The following NFATC2 variants were observed in gnomAD, a reference collection of about 807,000 sequenced individuals.
NFATC2 encodes the protein nuclear factor of activated T cells 2, also known as nuclear factor of activated T-cells, cytoplasmic 2.
A neutral mutation model predicts 87.3 loss-of-function variants in NFATC2; 22 were observed. The ratio of observed to expected loss-of-function variants is 0.25; its 90% confidence interval spans 0.18 to 0.36. The LOEUF is 0.36. Ranked by LOEUF, NFATC2 falls within the 10% of genes least tolerant of loss-of-function variation. NFATC2 has a pLI of 1.00. For synonymous variants in NFATC2, 565 were observed against 542.2 expected (o/e 1.04, Z -0.58); for missense variants, 1,149 against 1,259.1 (o/e 0.91, Z 1.32).
In NFATC2 at chr20:51,562,175, T is replaced by G. The variant is rs2146856417; in HGVS notation, c.70+385A>C. 6.6e-6 allele frequency among the ~76,000 whole-genome samples: 1 copy of G among 152,254 alleles called. No homozygotes were observed. The highest frequency in any genetic ancestry group is 6.5e-5 in the Admixed American group (1 of 15,300). On this transcript the variant is annotated intron_variant, in intron 1 of 10. Transcript: ENST00000414705. The surrounding 1 kb of genome is among the most constrained non-coding windows in gnomAD (Gnocchi z 5.8). ...TTAAAAGAAAAAAAAGTAATAATAA[T>G]AATACTGCAGCGTTATGGCATTTGC...
chr20:51,443,921 TAA>T (rs111389170), intron 6 of NFATC2, among the ~76,000 whole-genome samples: 2 of 142,820 alleles, frequency 1.4e-5, no homozygotes, highest in South Asian at 2.2e-4. Flanking sequence ...CTCTGCAAGT[TAA>T]AAAAAAAAAC....
intron 3 of NFATC2, among the ~76,000 whole-genome samples, chr20:51,483,220 A>T (rs989741042): frequency 6.6e-6 from 1 of 152,190 alleles, no homozygotes; most frequent in Non-Finnish European, 1.5e-5. Flanking sequence ...CTCTGCTATC[A>T]ACTCTGCTCA....
chr20:51,391,028 G>A lies in NFATC2; in HGVS notation c.*468C>T. On this transcript the variant is annotated 3_prime_UTR_variant, in exon 11 of 11. Transcript: ENST00000371564. ...ACGCAAGGGCTGGGGTTTAATCACAGTGCCCACATCTTCTGTCCCCCGTCC... is the reference window on the plus strand; with the variant it reads ...ACGCAAGGGCTGGGGTTTAATCACAATGCCCACATCTTCTGTCCCCCGTCC... 2.6e-6 allele frequency: 1 copy of A among 390,760 alleles called. No homozygotes were observed. The allele number at this position is 390,760 out of a possible 1,614,324, so 24.2% of individuals were successfully genotyped here. A position where few individuals can be genotyped will look rare whatever the true frequency, so the allele number is the denominator to read the frequency against.
At chr20:51,462,403 G>A (rs956120900) in intron 5 of NFATC2, among the ~76,000 whole-genome samples, 2 of 152,036 alleles carry the variant, frequency 1.3e-5, no homozygotes, top group African/African-American at 4.8e-5. Flanking sequence ...TCGAGATCGC[G>A]CCACTGCACT....
intron 6 of NFATC2, among the ~76,000 whole-genome samples, chr20:51,447,185 A>G (rs559413312): frequency 6.6e-6 from 1 of 152,376 alleles, no homozygotes; most frequent in South Asian, 2.1e-4. Flanking sequence ...GACTCATGTC[A>G]GGATATGATG....
chr20:51,548,775 A>G (rs1418671296), intron 1 of NFATC2, among the ~76,000 whole-genome samples: 3 of 152,214 alleles, frequency 2.0e-5, no homozygotes, highest in Non-Finnish European at 4.4e-5. Context: ...CAGAGCTTCT[A>G]CCTGAGATCA....
chr20:51,432,907 A>G lies in NFATC2; in HGVS notation c.2033-151T>C, dbSNP rs924151130. ...CCCTGTCACTTATCAGCCTTGGGCA[A>G]AAGGCTCCCCATGCAATTGTCTTAG... On this transcript the variant is annotated intron_variant, in intron 8 of 10. Transcript: ENST00000371564. The surrounding 1 kb of genome is among the most constrained non-coding windows in gnomAD (Gnocchi z 4.6). 6.6e-6 allele frequency: 4 copies of G among 605,890 alleles called. No individual in the cohort carries two copies. The highest frequency in any genetic ancestry group is 7.6e-5 in the Admixed American group (2 of 26,356). The allele number at this position is 605,890 out of a possible 1,614,324, so 37.5% of individuals were successfully genotyped here. A position where few individuals can be genotyped will look rare whatever the true frequency, so the allele number is the denominator to read the frequency against.
chr20:51,427,212 G>T (rs1462858516), intron 9 of NFATC2, among the ~76,000 whole-genome samples: 1 of 152,100 alleles, frequency 6.6e-6, no homozygotes, highest in Non-Finnish European at 1.5e-5. Context: ...GTGGTGAGAT[G>T]GCCCGATGAC....
At chr20:51,494,020 T>G (rs3787192) in intron 3 of NFATC2, among the ~76,000 whole-genome samples, 95,635 of 151,944 alleles carry the variant, frequency 0.63, 32,224 homozygotes, top group African/African-American at 0.88. Flanking sequence ...ATATAATGGG[T>G]ACAGTGCCTG....
intron 2 of NFATC2, among the ~76,000 whole-genome samples, chr20:51,520,463 C>T (rs887660291): frequency 2.0e-5 from 3 of 150,196 alleles, no homozygotes; most frequent in African/African-American, 7.4e-5. Context: ...AGTCCATTTC[C>T]GTGTGGTACG....
chr20:51,497,744 T>G (rs1240221031), intron 3 of NFATC2, among the ~76,000 whole-genome samples: 1 of 151,910 alleles, frequency 6.6e-6, no homozygotes, highest in Admixed American at 6.6e-5. Flanking sequence ...AGGAAGAAGA[T>G]GGGGTGAGAT....
At chr20:51,529,177 G>A (rs4811189) in intron 1 of NFATC2, among the ~76,000 whole-genome samples, 124,581 of 152,040 alleles carry the variant, frequency 0.82, 51,500 homozygotes, top group African/African-American at 0.92. Context: ...CGTATCAGAA[G>A]AACTGCACTG....
intron 8 of NFATC2, among the ~76,000 whole-genome samples, chr20:51,433,757 G>A (rs1198299637): frequency 1.0e-5 from 1 of 96,356 alleles, no homozygotes; most frequent in Non-Finnish European, 2.1e-5. Flanking sequence ...GTTCATGCAT[G>A]CATGTGTGTG....
chr20:51,555,256 A>G (rs1410878910), intron 1 of NFATC2, among the ~76,000 whole-genome samples: 1 of 152,096 alleles, frequency 6.6e-6, no homozygotes, highest in East Asian at 1.9e-4. Context: ...ACATTCCCCC[A>G]GGGGCTCCTG....
At position 51,421,732 on chromosome 20, in the gene NFATC2, C is replaced by T. The variant is rs150150906; in HGVS notation, c.2722+10335G>A. Among the ~76,000 whole-genome samples the T allele has an allele frequency of 3.2e-3, 485 of 152,238 alleles. 4 individuals carry two copies. The highest frequency in any genetic ancestry group is 0.01 in the African/African-American group (435 of 41,530). Reference sequence around the variant, plus strand: ...AATCCCTATTTTTATGTGCAATCCCCGGTTTTTCAACACTGGCATCTAATC... The same window carrying T: ...AATCCCTATTTTTATGTGCAATCCCTGGTTTTTCAACACTGGCATCTAATC... On this transcript the variant is annotated intron_variant, in intron 9 of 10. Coordinates refer to ENST00000371564, the MANE Select transcript of NFATC2 (RefSeq NM_012340.5).
At chr20:51,425,049 G>GA (rs561158186) in intron 9 of NFATC2, among the ~76,000 whole-genome samples, 6 of 151,784 alleles carry the variant, frequency 4.0e-5, no homozygotes, top group Non-Finnish European at 8.8e-5. Context: ...TGGAGATTAG[G>GA]AAAAAAATTG....
At chr20:51,485,576 T>C (rs896053438) in intron 3 of NFATC2, among the ~76,000 whole-genome samples, 6 of 152,156 alleles carry the variant, frequency 3.9e-5, no homozygotes, top group African/African-American at 1.4e-4. Context: ...TCACATCTTC[T>C]GTCTATATTC....
chr20:51,560,880 G>C (rs371596745), intron 1 of NFATC2, among the ~76,000 whole-genome samples: 1 of 152,170 alleles, frequency 6.6e-6, no homozygotes, highest in East Asian at 1.9e-4. Context: ...AGAGTTAGCA[G>C]CCTCAATAAA....
Position 51,432,254 on chromosome 20 carries a change from G to T in NFATC2, c.2535C>A (p.Gly845=). ...ENFAPGTTRP[G]PPPVSQGQRL... Reference sequence around the variant, plus strand: ...TCTGACCTTGACTGACCGGGGGCGGGCCAGGTCTGGTGGTGCCTGGTGCGA... The same window carrying T: ...TCTGACCTTGACTGACCGGGGGCGGTCCAGGTCTGGTGGTGCCTGGTGCGA... The change falls in exon 9 of 11, where the codon GGC becomes GGA. Residue 845 remains glycine (G), a synonymous_variant. Coordinates refer to ENST00000371564, the MANE Select transcript of NFATC2 (RefSeq NM_012340.5). This position sits in a 1 kb window ranked among gnomAD's most constrained non-coding sequence, Gnocchi z 4.6. 1.2e-6 allele frequency: 2 copies of T among 1,614,218 alleles called. No individual in the cohort carries two copies. Among genetic ancestry groups the T allele is most frequent in the Non-Finnish European group, 1.7e-6 (2 of 1,180,038 alleles).
Sources: allele counts gnomAD v4.1 joint callset (sites outside exome capture counted in the v4.1 genomes callset), GRCh38; gene constraint gnomAD v4.1.1; non-coding constraint Gnocchi (gnomAD v3.1); transcripts MANE v1.5; gene names NCBI Gene and HGNC (gene_info 2026-07-23, HGNC 2026-07-21).